SEMA3A: variants seen among roughly 807,000 people sequenced by gnomAD.
The protein encoded by SEMA3A is semaphorin 3A.
In SEMA3A, 29 loss-of-function variants were observed where a neutral mutation model predicts 97.9. The observed-to-expected ratio is 0.30, with a 90% CI of 0.22 to 0.40. The LOEUF (loss-of-function observed/expected upper bound fraction) is 0.40. Among genes scored for constraint, SEMA3A ranks in the 10% least tolerant of loss-of-function variants. The pLI is 1.00. For missense variants in SEMA3A, 763 were observed against 951.3 expected (o/e 0.80, Z 2.60); for synonymous variants, 321 against 323.7 (o/e 0.99, Z 0.09).
intron 3 of SEMA3A, among the ~76,000 whole-genome samples, chr7:84,122,804 A>G (rs956066682): frequency 3.3e-5 from 5 of 152,164 alleles, no homozygotes; most frequent in African/African-American, 9.7e-5. Flanking sequence ...AGGTCCTGCA[A>G]TTTGAGCCAC....
intron 1 of SEMA3A, among the ~76,000 whole-genome samples, chr7:84,425,955 A>G (rs1192631337): frequency 1.3e-5 from 2 of 151,760 alleles, no homozygotes; most frequent in Non-Finnish European, 2.9e-5. Context: ...AGAGACCAGT[A>G]TTCTAAGTGA....
chr7:83,974,075 G>C lies in SEMA3A; in HGVS notation c.1717+3057C>G, dbSNP rs148251957. The stretch of plus-strand genomic sequence containing the variant: ...AGCAATTATTTTACGGAAGGGAACA[G>C]ATTGGAAACAACCTGAGCTTCCTCT... On this transcript the variant is annotated intron_variant, in intron 15 of 16. Transcript: ENST00000265362. 6.0e-3 allele frequency among the ~76,000 whole-genome samples: 913 copies of C among 152,252 alleles called. 11 individuals are homozygous for C. The highest frequency in any genetic ancestry group is 0.02 in the African/African-American group (845 of 41,558).
chr7:84,312,923 C>G, intron 2 of SEMA3A, among the ~76,000 whole-genome samples: 1 of 32,918 alleles, frequency 3.0e-5, no homozygotes, highest in Non-Finnish European at 9.0e-5. Flanking sequence ...TATATATATA[C>G]ACACACACAC....
At chr7:84,262,141 A>G (rs890865616) in intron 3 of SEMA3A, among the ~76,000 whole-genome samples, 1 of 152,074 alleles carries the variant, frequency 6.6e-6, no homozygotes, top group African/African-American at 2.4e-5. Context: ...CAATGGAGAA[A>G]CCATAGCAGG....
chr7:84,231,516 T>C (rs930395804), intron 3 of SEMA3A, among the ~76,000 whole-genome samples: 1 of 152,006 alleles, frequency 6.6e-6, no homozygotes, highest in Non-Finnish European at 1.5e-5. Flanking sequence ...AACAGCATTC[T>C]ACAACTAAAA....
chr7:84,077,772 A>G (rs750713810), intron 4 of SEMA3A, among the ~76,000 whole-genome samples: 1 of 152,012 alleles, frequency 6.6e-6, no homozygotes, highest in Non-Finnish European at 1.5e-5. Context: ...AATTTGGAGG[A>G]TCCTTAAAAA....
intron 3 of SEMA3A, among the ~76,000 whole-genome samples, chr7:84,303,069 G>T (rs1248462523): frequency 3.3e-5 from 5 of 152,160 alleles, no homozygotes; most frequent in East Asian, 1.9e-4. Context: ...GTGCAAACAT[G>T]CAATGAAGTT....
At chr7:84,337,519 C>T (rs1249297115) in intron 2 of SEMA3A, among the ~76,000 whole-genome samples, 4 of 152,084 alleles carry the variant, frequency 2.6e-5, no homozygotes, top group Non-Finnish European at 2.9e-5. Context: ...CAAAACATAT[C>T]CCAAGCCGCA....
intron 1 of SEMA3A, among the ~76,000 whole-genome samples, chr7:84,479,894 A>G (rs1277820917): frequency 6.6e-6 from 1 of 151,716 alleles, no homozygotes; most frequent in Non-Finnish European, 1.5e-5. Flanking sequence ...AGCAGCAGCG[A>G]CAACAACAAC....
intron 2 of SEMA3A, among the ~76,000 whole-genome samples, chr7:84,318,404 G>C (rs375378612): frequency 3.7e-5 from 5 of 134,490 alleles, no homozygotes; most frequent in East Asian, 2.4e-4. Context: ...CTCACTGCAA[G>C]CTCCGCCTCC....
chr7:84,485,013 G>A (rs923150815), intron 1 of SEMA3A, among the ~76,000 whole-genome samples: 4 of 152,050 alleles, frequency 2.6e-5, no homozygotes, highest in African/African-American at 9.7e-5. Context: ...ATCTTCTTTA[G>A]AAAGTCAAGA....
chr7:84,247,961 C>T (rs1414249339), intron 3 of SEMA3A, among the ~76,000 whole-genome samples: 1 of 152,154 alleles, frequency 6.6e-6, no homozygotes, highest in Non-Finnish European at 1.5e-5. Context: ...ACTACCTAGG[C>T]TCTTTTATAG....
At chr7:84,081,938 A>G (rs1794178203) in intron 4 of SEMA3A, among the ~76,000 whole-genome samples, 1 of 152,170 alleles carries the variant, frequency 6.6e-6, no homozygotes, top group South Asian at 2.1e-4. Context: ...ACTACAATGT[A>G]TATTTTTGAA....
intron 2 of SEMA3A, among the ~76,000 whole-genome samples, chr7:84,321,950 G>A: frequency 7.2e-6 from 1 of 138,488 alleles, no homozygotes; most frequent in African/African-American, 2.7e-5. Context: ...ATAAAGAAAA[G>A]AGGTTTAATT....
At position 83,961,101 on chromosome 7, in the gene SEMA3A, A is replaced by T. The variant is rs1788452183; in HGVS notation, c.*270T>A. ...AGGCAAAGAAGAAAGACAAACCTGT[A>T]CAGTGAAATCTCATAGGAAACATTA... On this transcript the variant is annotated 3_prime_UTR_variant, in exon 17 of 17. Coordinates refer to ENST00000265362, the MANE Select transcript of SEMA3A (RefSeq NM_006080.3). The T allele has an allele frequency of 2.2e-6, 1 of 451,392 alleles. No individual in the cohort carries two copies. The highest frequency in any genetic ancestry group is 2.0e-5 in the African/African-American group (1 of 50,238). 28.0% of individuals were successfully genotyped at this position (451,392 alleles called of 1,614,324 possible).
At position 83,981,426 on chromosome 7, in the gene SEMA3A, C is replaced by T. The variant is rs776611896; in HGVS notation, c.1547G>A (p.Arg516Gln). 1.5e-5 allele frequency: 25 copies of T among 1,613,466 alleles called. No individual in the cohort carries two copies. Among genetic ancestry groups the T allele is most frequent in the Non-Finnish European group, 1.9e-5 (23 of 1,179,746 alleles). The change falls in exon 14 of 17, where the codon CGG (arginine) becomes CAG (glutamine). Residue 516 changes from arginine (R) to glutamine (Q), a missense_variant. Physicochemically the swap from Arg to Gln is conservative, Grantham distance 43 (BLOSUM62 1). Coordinates refer to ENST00000265362, the MANE Select transcript of SEMA3A (RefSeq NM_006080.3). ...TAGVAQLPLH[R>Q]CDIYGKACAE... The stretch of plus-strand genomic sequence containing the variant: ...ACACGCTTTCCCGTAAATATCACAC[C>T]GGTGTAAAGGGAGCTGGGCAACCCC...
intron 1 of SEMA3A, among the ~76,000 whole-genome samples, chr7:84,384,125 G>T (rs1012727595): frequency 6.6e-6 from 1 of 152,112 alleles, no homozygotes; most frequent in Non-Finnish European, 1.5e-5. Flanking sequence ...TAACTCATTG[G>T]TTCCTTGTTC....
At chr7:84,434,150 T>C (rs1805060199) in intron 1 of SEMA3A, among the ~76,000 whole-genome samples, 2 of 152,116 alleles carry the variant, frequency 1.3e-5, no homozygotes, top group South Asian at 4.1e-4. Flanking sequence ...GTGGATTTGA[T>C]TTACATTTCT....
At chr7:84,079,285 G>C (rs923441015) in intron 4 of SEMA3A, among the ~76,000 whole-genome samples, 1 of 151,678 alleles carries the variant, frequency 6.6e-6, no homozygotes, top group Admixed American at 6.6e-5. Flanking sequence ...TCAGGACATA[G>C]GCATGGGCAA....
Sources: allele counts gnomAD v4.1 joint callset (sites outside exome capture counted in the v4.1 genomes callset), GRCh38; gene constraint gnomAD v4.1.1; transcripts MANE v1.5; gene names NCBI Gene and HGNC (gene_info 2026-07-23, HGNC 2026-07-21).